Variants in FRMPD4 observed in about 807,000 individuals in gnomAD.
The protein encoded by FRMPD4 is FERM and PDZ domain containing 4, also known as FERM and PDZ domain-containing protein 4.
Under a neutral mutation model 94.1 loss-of-function variants are expected in FRMPD4, and 22 were observed. The observed-to-expected ratio is 0.23, with a 90% CI of 0.17 to 0.33. The LOEUF (loss-of-function observed/expected upper bound fraction) is 0.33, where lower values mean the gene tolerates loss of function less well. FRMPD4 is among the 10% of genes least tolerant of loss of function. The probability of loss-of-function intolerance (pLI) is 1.00; values close to 1 mark genes in which losing one functional copy is unlikely to be tolerated. For missense variants in FRMPD4, 1,111 were observed against 1,339.9 expected, an observed-to-expected ratio of 0.83 and a Z score of 2.67; for synonymous variants, 631 against 548.6, an observed-to-expected ratio of 1.15 and a Z score of -2.10.
At chrX:12,665,468 G>T (rs2059766670) in intron 4 of FRMPD4, among the ~76,000 whole-genome samples, 1 of 110,451 alleles carries the variant, frequency 9.1e-6, no homozygotes, top group East Asian at 2.8e-4. Context: ...TGTGAACCAA[G>T]ATCGTGCCAC....
chrX:12,215,917 T>G (rs777982305), intron 1 of FRMPD4, among the ~76,000 whole-genome samples: 1 of 112,289 alleles, frequency 8.9e-6, no homozygotes, highest in African/African-American at 3.2e-5. Context: ...GCCATTCATT[T>G]TCATATCATC....
intron 2 of FRMPD4, among the ~76,000 whole-genome samples, chrX:12,512,334 C>T (rs1299811545): frequency 8.9e-6 from 1 of 111,739 alleles, no homozygotes; most frequent in African/African-American, 3.3e-5. Context: ...GGTATTAAGC[C>T]CTACATGCAT....
intron 3 of FRMPD4, among the ~76,000 whole-genome samples, chrX:11,997,216 G>A (rs2188720): frequency 0.088 from 9,670 of 110,394 alleles, 358 homozygotes; most frequent in East Asian, 0.24. Flanking sequence ...TAAGAAAAAT[G>A]GTTTAGACGT....
intron 3 of FRMPD4, among the ~76,000 whole-genome samples, chrX:12,105,853 T>C (rs1193250456): frequency 8.9e-6 from 1 of 112,170 alleles, no homozygotes; most frequent in African/African-American, 3.2e-5. Flanking sequence ...GTCTTATAAG[T>C]AAATTAAAAT....
chrX:12,353,987 G>A (rs1382016156), intron 1 of FRMPD4, among the ~76,000 whole-genome samples: 1 of 112,048 alleles, frequency 8.9e-6, no homozygotes, highest in East Asian at 2.8e-4. Context: ...GAGCCTCAGA[G>A]GAGTTAAAGA....
intron 4 of FRMPD4, among the ~76,000 whole-genome samples, chrX:12,633,691 C>T (rs1353005352): frequency 8.9e-6 from 1 of 112,250 alleles, no homozygotes; most frequent in Non-Finnish European, 1.9e-5. Context: ...ATACAGAAGC[C>T]TGGAAAGTAG....
intron 3 of FRMPD4, among the ~76,000 whole-genome samples, chrX:11,959,634 G>A (rs1381821754): frequency 9.0e-6 from 1 of 111,677 alleles, no homozygotes; most frequent in African/African-American, 3.3e-5. Flanking sequence ...CAGCAGTCAG[G>A]TGGTTGGTTG....
intron 1 of FRMPD4, among the ~76,000 whole-genome samples, chrX:12,474,277 A>C (rs1463991646): frequency 9.0e-6 from 1 of 111,385 alleles, no homozygotes; most frequent in Admixed American, 9.5e-5. Context: ...ACAAAGACAC[A>C]ACCTACCAGA....
intron 1 of FRMPD4, among the ~76,000 whole-genome samples, chrX:12,387,110 G>C (rs144021970): frequency 0.013 from 1,452 of 112,024 alleles, 28 homozygotes; most frequent in African/African-American, 0.045. Flanking sequence ...TAACTACCGA[G>C]TTAAGAAATC....
rs1484526377 is a variant in FRMPD4, at chrX:12,718,613, G to A, written c.3787G>A (p.Glu1263Lys). ...GKGVNYIPSE[E>K]RAPGLPNHGA... ...AGGCGTGAATTACATTCCTTCAGAGGAGAGAGCCCCTGGGCTTCCCAACCA... is the reference window on the plus strand; with the variant it reads ...AGGCGTGAATTACATTCCTTCAGAGAAGAGAGCCCCTGGGCTTCCCAACCA... The change falls in exon 16 of 17, where the codon GAG becomes AAG. Residue 1263 changes from glutamate to lysine, a missense_variant. Glu to Lys is a moderately conservative substitution (Grantham distance 56, BLOSUM62 1). Coordinates refer to ENST00000675598, the MANE Select transcript of FRMPD4 (RefSeq NM_001368397.1). 6 of 1,209,396 alleles carry A rather than the reference G, an allele frequency of 5.0e-6. No homozygotes were observed. The highest frequency in any genetic ancestry group is 1.8e-5 in the African/African-American group (1 of 57,119).
At chrX:12,639,721 A>G (rs187604968) in intron 4 of FRMPD4, among the ~76,000 whole-genome samples, 46 of 112,410 alleles carry the variant, frequency 4.1e-4, no homozygotes, top group African/African-American at 1.4e-3. Context: ...TGAGTATATA[A>G]TGCTTCACAA....
At position 12,457,999 on chromosome X, in the gene FRMPD4, A is replaced by G. The variant is rs181709303; in HGVS notation, c.42-40681A>G. Among the ~76,000 whole-genome samples the G allele has an allele frequency of 7.2e-5, 8 of 111,863 alleles. No homozygotes were observed. In the East Asian group the frequency reaches 2.3e-3, roughly 31 times the overall value. On this transcript the variant is annotated intron_variant, in intron 1 of 16. Coordinates refer to ENST00000675598, the MANE Select transcript of FRMPD4 (RefSeq NM_001368397.1). ...CATCACTTAATGATAAGGTTTACTC[A>G]CTGTGCCTAGACAATTTGTACAATG...
At chrX:12,572,354 G>T (rs777913099) in intron 2 of FRMPD4, among the ~76,000 whole-genome samples, 64 of 111,999 alleles carry the variant, frequency 5.7e-4, no homozygotes, top group Non-Finnish European at 9.8e-4. Flanking sequence ...AACATATTAA[G>T]GTAATCATGT....
chrX:12,595,648 GTTCT>G (rs1183496364), intron 2 of FRMPD4, among the ~76,000 whole-genome samples: 1 of 111,995 alleles, frequency 8.9e-6, no homozygotes, highest in African/African-American at 3.2e-5. Context: ...AAGTAAAAAT[GTTCT>G]TTGAGTTCTC....
intron 2 of FRMPD4, among the ~76,000 whole-genome samples, chrX:12,609,058 C>T (rs927459382): frequency 1.8e-5 from 2 of 112,315 alleles, no homozygotes; most frequent in African/African-American, 6.5e-5. Context: ...TACTCATATA[C>T]TGTATTCTTA....
intron 3 of FRMPD4, among the ~76,000 whole-genome samples, chrX:11,966,033 A>T (rs2054307749): frequency 8.9e-6 from 1 of 112,292 alleles, no homozygotes; most frequent in African/African-American, 3.2e-5. Context: ...GACATCTAAG[A>T]CATAAAAGTC....
intron 1 of FRMPD4, among the ~76,000 whole-genome samples, chrX:11,863,934 C>G (rs982457952): frequency 8.9e-6 from 1 of 111,923 alleles, no homozygotes; most frequent in Non-Finnish European, 1.9e-5. Flanking sequence ...CGATTTAATA[C>G]TAATAAAGAT....
intron 1 of FRMPD4, among the ~76,000 whole-genome samples, chrX:12,435,875 G>T (rs970235392): frequency 9.0e-6 from 1 of 111,260 alleles, no homozygotes; most frequent in African/African-American, 3.3e-5. Flanking sequence ...GATCTCTTCA[G>T]GTTTATTGGT....
At chrX:11,853,066 C>T (rs1395963140) in intron 1 of FRMPD4, among the ~76,000 whole-genome samples, 19 of 112,167 alleles carry the variant, frequency 1.7e-4, no homozygotes, top group Admixed American at 1.4e-3. Context: ...GACCACAGTG[C>T]AATCAAATTT....
Sources: gnomAD v4.1 joint callset for allele counts (sites outside exome capture counted in the v4.1 genomes callset) on GRCh38, gnomAD v4.1.1 for gene constraint, MANE v1.5 for transcripts, NCBI Gene and HGNC (gene_info 2026-07-23, HGNC 2026-07-21) for gene names.